PRKCSH: variants seen among roughly 807,000 people sequenced by gnomAD.
The protein encoded by PRKCSH is PRKCSH beta subunit of glucosidase II.
PRKCSH carries 42 observed loss-of-function variants against 79.7 expected under a neutral mutation model. The observed-to-expected ratio is 0.53, with a 90% confidence interval of 0.41 to 0.68. PRKCSH has a LOEUF of 0.68. PRKCSH is among the 30% of genes least tolerant of loss of function. The pLI is 0.00. For synonymous variants in PRKCSH, 325 were observed against 288.2 expected, an observed-to-expected ratio of 1.13 and a Z score of -1.29; for missense variants, 686 against 709.0, an observed-to-expected ratio of 0.97 and a Z score of 0.37.
chr19:11,438,022 A>G, intron 4 of PRKCSH, 45 bp from the exon 5 acceptor site: 1 of 1,613,704 alleles, frequency 6.2e-7, no homozygotes, highest in Non-Finnish European at 8.5e-7. Flanking sequence ...GGAGGGAGGG[A>G]GGAGGCACTG....
Position 11,449,292 on chromosome 19 carries a change from C to T in PRKCSH, c.1488C>T (p.Thr496=). Residue 496 remains threonine, a synonymous_variant, in exon 17 of 18, where the codon ACC becomes ACT. Coordinates refer to ENST00000677123, the MANE Select transcript of PRKCSH (RefSeq NM_001289104.2). The surrounding 1 kb of genome is among the most constrained non-coding windows in gnomAD (Gnocchi z 6.4). ...TTVRLLCGKE[T]MVTSTTEPSR... ...TGCGCCTCCTGTGCGGGAAAGAGAC[C>T]ATGGTGACCAGCACCACAGAGCCCA... is the stretch of plus-strand genomic sequence containing the variant. 6.2e-7 allele frequency: 1 copy of T among 1,613,746 alleles called. No individual in the cohort carries two copies. The highest frequency in any genetic ancestry group is 8.5e-7 in the Non-Finnish European group (1 of 1,179,962).
At chr19:11,446,984 C>A in intron 9 of PRKCSH, 90 bp from the exon 10 acceptor site, 2 of 1,394,706 alleles carry the variant, frequency 1.4e-6, no homozygotes, top group East Asian at 2.3e-5. Flanking sequence ...CCAGCCCTCC[C>A]GTGCCTGGCA....
At chr19:11,436,574 T>A in intron 3 of PRKCSH, 69 bp downstream of exon 3, 5 of 1,260,980 alleles carry the variant, frequency 4.0e-6, no homozygotes, top group Non-Finnish European at 5.7e-6. Flanking sequence ...CCTGTCTGTG[T>A]GACCAAGATA....
rs140014863 is a variant in PRKCSH, at chr19:11,447,565, G to A, written c.976G>A (p.Ala326Thr). 1.4e-3 allele frequency: 2,163 copies of A among 1,600,212 alleles called. 4 individuals are homozygous for A. The highest frequency in any genetic ancestry group is 3.7e-3 in the Middle Eastern group (22 of 5,990). The change falls in exon 11 of 18, where the codon GCT becomes ACT. Residue 326 changes from alanine (A) to threonine (T), a missense_variant. By Grantham distance (58) the Ala-to-Thr change is moderately conservative. Around this residue, in one of 2 missense-constraint regions of PRKCSH, gnomAD observed 549 missense variants for 520.2 expected, o/e 1.06. Transcript: ENST00000677123. The surrounding 1 kb of genome is among the most constrained non-coding windows in gnomAD (Gnocchi z 5.6). ...GGAGGAGGAGGAGGAGGAAGAAGAG[G>A]CTGAAGAAGAGGAGGAGGAGGAGGA... The part of the protein sequence containing the change: ...EEEEEEEEEE[A>T]EEEEEEEDSE...
Position 11,449,413 on chromosome 19 carries a change from C to G in PRKCSH, c.*1C>G. On this transcript the variant is annotated 3_prime_UTR_variant, in exon 17 of 18. Transcript: ENST00000677123. The surrounding 1 kb of genome is among the most constrained non-coding windows in gnomAD (Gnocchi z 6.4). Reference sequence around the variant, plus strand: ...CGAAGACGACCATGACGAGCTCTAGCTGGATGGGCGCAGAGGTGGGCGGGG... The same window carrying G: ...CGAAGACGACCATGACGAGCTCTAGGTGGATGGGCGCAGAGGTGGGCGGGG... 2 of 1,612,534 alleles carry G rather than the reference C, an allele frequency of 1.2e-6. No homozygotes were observed. The highest frequency in any genetic ancestry group is 1.7e-6 in the Non-Finnish European group (2 of 1,179,906).
Position 11,445,640 on chromosome 19 carries a change from G to A in PRKCSH, c.683+167G>A. On this transcript the variant is annotated intron_variant, in intron 8 of 17. Coordinates refer to ENST00000677123, the MANE Select transcript of PRKCSH (RefSeq NM_001289104.2). ...CCCGCCTCTTACTCGTGGATGGCCA[G>A]GTCCAGGATGCCCTGGGCGAGGAGA... 5 of 713,710 alleles carry A rather than the reference G, an allele frequency of 7.0e-6. No homozygotes were observed. The South Asian group carries it at 7.8e-5, about 11-fold the overall frequency. The allele number at this position is 713,710 out of a possible 1,614,324, so 44.2% of individuals were successfully genotyped here.
At chr19:11,443,418 G>A (rs1387217432) in intron 7 of PRKCSH, among the ~76,000 whole-genome samples, 1 of 152,114 alleles carries the variant, frequency 6.6e-6, no homozygotes, top group Non-Finnish European at 1.5e-5. Flanking sequence ...GGTGGTGTGT[G>A]CCTGTAATCC....
intron 5 of PRKCSH, among the ~76,000 whole-genome samples, chr19:11,438,472 G>A (rs1175403328): frequency 2.0e-5 from 3 of 152,060 alleles, no homozygotes; most frequent in Admixed American, 6.6e-5. Flanking sequence ...TACAACGGAA[G>A]GAGGCCAGGC....
chr19:11,439,495 C>G (rs1458101372), intron 5 of PRKCSH, among the ~76,000 whole-genome samples: 1 of 151,394 alleles, frequency 6.6e-6, no homozygotes, highest in Non-Finnish European at 1.5e-5. Context: ...TGGCTCACAC[C>G]TGTAATCCCA....
chr19:11,449,332 C>A lies in PRKCSH; in HGVS notation c.1528C>A (p.Leu510Ile). ...STTEPSRCEY[L>I]MELMTPAACP... is the part of the protein sequence containing the mutation. Reference sequence around the variant, plus strand: ...CACAGAGCCCAGTCGCTGCGAGTACCTCATGGAGCTGATGACGCCAGCCGC... The same window carrying A: ...CACAGAGCCCAGTCGCTGCGAGTACATCATGGAGCTGATGACGCCAGCCGC... The change falls in exon 17 of 18, where the codon CTC becomes ATC. Residue 510 changes from leucine to isoleucine, a missense_variant. This residue lies in a region of PRKCSH where 137 missense variants were observed against 188.8 expected (regional missense o/e 0.73). Transcript: ENST00000677123. The surrounding 1 kb of genome is among the most constrained non-coding windows in gnomAD (Gnocchi z 6.4). 1 of 1,613,574 alleles carries A rather than the reference C, an allele frequency of 6.2e-7. No individual in the cohort carries two copies. The highest frequency in any genetic ancestry group is 8.5e-7 in the Non-Finnish European group (1 of 1,179,976).
Position 11,447,923 on chromosome 19 carries a change from C to A in PRKCSH, c.1126+134C>A. The A allele has an allele frequency of 8.9e-7, 1 of 1,120,206 alleles. No homozygotes were observed. Among genetic ancestry groups the A allele is most frequent in the Admixed American group, 2.8e-5 (1 of 36,082 alleles). 69.4% of individuals were successfully genotyped at this position (1,120,206 alleles called of 1,614,324 possible). Reference sequence around the variant, plus strand: ...CACAAGCCCCAGTATCTTGGGGAGTCCAGGAAGGGGGCCTAGGGTAAGCCA... The same window carrying A: ...CACAAGCCCCAGTATCTTGGGGAGTACAGGAAGGGGGCCTAGGGTAAGCCA... On this transcript the variant is annotated intron_variant, in intron 12 of 17. Transcript: ENST00000677123. The surrounding 1 kb of genome is among the most constrained non-coding windows in gnomAD (Gnocchi z 5.6).
At chr19:11,450,557 C>T (rs1309416304) in intron 17 of PRKCSH, 89 bp from the exon 18 acceptor site, 1 of 152,218 alleles carries the variant, frequency 6.6e-6, no homozygotes, top group Non-Finnish European at 1.5e-5. Flanking sequence ...ATCCTCCCAC[C>T]TCAGCCTCCC....
rs3217229 is a variant in PRKCSH at position 11,447,525 on chromosome 19, AGAGGAG to A, written c.963_968del (p.Glu324_Glu325del). On this transcript the variant is annotated inframe_deletion, in exon 11 of 18. Coordinates refer to ENST00000677123, the MANE Select transcript of PRKCSH (RefSeq NM_001289104.2). The surrounding 1 kb of genome is among the most constrained non-coding windows in gnomAD (Gnocchi z 5.6). ...AGCCGCCAGTGCCCTCGTCGCCCAC[AGAGGAG>A]GAGGAGGAGGAGGAGGAGGAGGAGG... is the stretch of plus-strand genomic sequence containing the variant. The A allele has an allele frequency of 0.087, 127,759 of 1,471,316 alleles. 1,983 individuals carry two copies. The highest frequency in any genetic ancestry group is 0.1 in the Middle Eastern group (560 of 5,426). 91.1% of individuals were successfully genotyped at this position (1,471,316 alleles called of 1,614,324 possible). A position where few individuals can be genotyped will look rare whatever the true frequency, so the allele number is the denominator to read the frequency against.
At chr19:11,446,502 C>G in intron 9 of PRKCSH, 152 bp downstream of exon 9, 1 of 927,840 alleles carries the variant, frequency 1.1e-6, no homozygotes, top group Non-Finnish European at 1.7e-6. Flanking sequence ...GGCCGCTTCC[C>G]GCCTGGCAGG....
Position 11,447,651 on chromosome 19 carries a change from G to A in PRKCSH, c.1029+33G>A, listed in dbSNP as rs1392841955. 1 of 1,570,308 alleles carries A rather than the reference G, an allele frequency of 6.4e-7. No homozygotes were observed. Among genetic ancestry groups the A allele is most frequent in the Non-Finnish European group, 8.6e-7 (1 of 1,157,428 alleles). On this transcript the variant is annotated intron_variant, in intron 11 of 17. Transcript: ENST00000677123. This position sits in a 1 kb window ranked among gnomAD's most constrained non-coding sequence, Gnocchi z 5.6. ...TTTGGGGGAGAAGTGGAGACAGAGA[G>A]GGTGGGGGAAGGGCTACTCACTGAC...
In PRKCSH at chr19:11,447,956, C is replaced by T; in HGVS notation, c.1126+167C>T. The stretch of plus-strand genomic sequence containing the variant: ...GGGGCCTAGGGTAAGCCAGTCCCAC[C>T]CTCGCCAGCCCCAAGGGGCCCTTCT... On this transcript the variant is annotated intron_variant, in intron 12 of 17. Coordinates refer to ENST00000677123, the MANE Select transcript of PRKCSH (RefSeq NM_001289104.2). The surrounding 1 kb of genome is among the most constrained non-coding windows in gnomAD (Gnocchi z 5.6). The T allele has an allele frequency of 1.1e-6, 1 of 872,412 alleles. No individual in the cohort carries two copies. The highest frequency in any genetic ancestry group is 1.7e-5 in the African/African-American group (1 of 59,014). The allele number at this position is 872,412 out of a possible 1,614,324, so 54.0% of individuals were successfully genotyped here. A position where few individuals can be genotyped will look rare whatever the true frequency, so the allele number is the denominator to read the frequency against.
chr19:11,437,423 C>T (rs929097540), intron 3 of PRKCSH, among the ~76,000 whole-genome samples: 2 of 151,748 alleles, frequency 1.3e-5, no homozygotes, highest in East Asian at 1.9e-4. Context: ...ATGATCTTGG[C>T]TCACTGCAGT....
chr19:11,437,163 G>C (rs539015693), intron 3 of PRKCSH, among the ~76,000 whole-genome samples: 1 of 151,912 alleles, frequency 6.6e-6, no homozygotes, highest in South Asian at 2.1e-4. Flanking sequence ...AGCCTCCTGA[G>C]TAGCTGGGAC....
At chr19:11,441,709 C>G (rs1335539395) in intron 6 of PRKCSH, among the ~76,000 whole-genome samples, 1 of 152,116 alleles carries the variant, frequency 6.6e-6, no homozygotes, top group South Asian at 2.1e-4. Flanking sequence ...CTCCCCAGTT[C>G]TGATGTTAGA....
Sources: gnomAD v4.1 joint callset for allele counts (sites outside exome capture counted in the v4.1 genomes callset) on GRCh38, gnomAD v4.1.1 for gene constraint, gnomAD v4.1.1 regional missense constraint, Gnocchi (gnomAD v3.1) non-coding constraint, MANE v1.5 for transcripts, NCBI Gene and HGNC (gene_info 2026-07-23, HGNC 2026-07-21) for gene names.